The following OPHN1 variants were observed in gnomAD, a reference collection of about 807,000 sequenced individuals.
The protein encoded by OPHN1 is oligophrenin-1.
A neutral mutation model predicts 60.7 loss-of-function variants in OPHN1; 11 were observed. The observed-to-expected ratio is 0.18, with a 90% CI of 0.11 to 0.30. The LOEUF is 0.30. Among genes scored for constraint, OPHN1 ranks in the 10% least tolerant of loss-of-function variants. The pLI is 1.00. For missense variants in OPHN1, 449 were observed against 611.0 expected (o/e 0.73, Z 2.80); for synonymous variants, 226 against 222.6 (o/e 1.02, Z -0.14).
chrX:68,102,411 A>G (rs181208526), intron 18 of OPHN1, among the ~76,000 whole-genome samples: 1 of 112,443 alleles, frequency 8.9e-6, no homozygotes, highest in East Asian at 2.8e-4. Context: ...AAATGTCCAC[A>G]GGAGAAAGCG....
intron 4 of OPHN1, among the ~76,000 whole-genome samples, chrX:68,275,311 C>T (rs1353144138): frequency 8.9e-6 from 1 of 111,814 alleles, no homozygotes; most frequent in African/African-American, 3.2e-5. Context: ...AAACACTAGA[C>T]TAGGCTTTCA....
At chrX:68,105,537 C>T (rs1482544446) in intron 18 of OPHN1, among the ~76,000 whole-genome samples, 2 of 108,692 alleles carry the variant, frequency 1.8e-5, no homozygotes, top group Non-Finnish European at 3.8e-5. Context: ...AACCATCATT[C>T]TCAGAAAACT....
chrX:68,348,602 T>C (rs1340799080), intron 2 of OPHN1, among the ~76,000 whole-genome samples: 3 of 112,044 alleles, frequency 2.7e-5, no homozygotes, highest in Non-Finnish European at 5.6e-5. Flanking sequence ...TATTCTTCTG[T>C]ATTTTTCAAA....
intron 19 of OPHN1, among the ~76,000 whole-genome samples, chrX:68,090,115 T>C (rs2077011065): frequency 2.7e-5 from 3 of 111,442 alleles, no homozygotes; most frequent in African/African-American, 9.8e-5. Flanking sequence ...ATAATAAAAA[T>C]GTTATTTTCA....
intron 5 of OPHN1, among the ~76,000 whole-genome samples, chrX:68,265,691 G>A (rs901346076): frequency 1.8e-5 from 2 of 111,918 alleles, no homozygotes; most frequent in African/African-American, 6.5e-5. Flanking sequence ...TGACTTTGAC[G>A]AGTTGAGAGA....
At chrX:68,276,525 ACTT>A (rs1469535193) in intron 4 of OPHN1, among the ~76,000 whole-genome samples, 2 of 111,666 alleles carry the variant, frequency 1.8e-5, no homozygotes, top group Non-Finnish European at 3.8e-5. Flanking sequence ...TGAAAATAAG[ACTT>A]CTTCTACTAA....
intron 2 of OPHN1, among the ~76,000 whole-genome samples, chrX:68,301,264 G>A (rs2078118552): frequency 9.1e-6 from 1 of 109,666 alleles, no homozygotes; most frequent in South Asian, 4.0e-4. Flanking sequence ...TGGCCAACTT[G>A]GTGAAATCCC....
At chrX:68,275,825 A>C (rs1233638424) in intron 4 of OPHN1, among the ~76,000 whole-genome samples, 1 of 111,452 alleles carries the variant, frequency 9.0e-6, no homozygotes, top group Non-Finnish European at 1.9e-5. Context: ...GCATTAGTGC[A>C]TAGGTTATAC....
rs750618986 is a variant in OPHN1, at chrX:68,162,441, C to T, written c.1276+30478G>A. 5.5e-5 allele frequency among the ~76,000 whole-genome samples: 6 copies of T among 109,488 alleles called. No individual in the cohort carries two copies. In the East Asian group the frequency reaches 1.1e-3, roughly 21 times the overall value. On this transcript the variant is annotated intron_variant, in intron 15 of 24. Coordinates refer to ENST00000355520, the MANE Select transcript of OPHN1 (RefSeq NM_002547.3). ...AAATGAAGAGATTATTTTTTGAAAG[C>T]GTATGACTGAGCAATATATATCCAT...
intron 2 of OPHN1, among the ~76,000 whole-genome samples, chrX:68,398,137 T>C (rs866680508): frequency 3.9e-4 from 43 of 111,647 alleles, no homozygotes; most frequent in African/African-American, 1.3e-3. Context: ...CCTTGCCTTT[T>C]ATTTTTCTCC....
At chrX:68,345,574 G>A (rs919921248) in intron 2 of OPHN1, among the ~76,000 whole-genome samples, 10 of 111,697 alleles carry the variant, frequency 9.0e-5, no homozygotes, top group Admixed American at 9.6e-5. Context: ...AAATAGTCTT[G>A]TATCAGCCGG....
At chrX:68,256,318 C>T (rs749517485) in intron 5 of OPHN1, among the ~76,000 whole-genome samples, 1 of 111,745 alleles carries the variant, frequency 8.9e-6, no homozygotes, top group South Asian at 3.8e-4. Flanking sequence ...TAGTTCCTGC[C>T]AGCATTCACT....
intron 2 of OPHN1, among the ~76,000 whole-genome samples, chrX:68,380,269 G>A (rs1275689610): frequency 9.0e-6 from 1 of 111,057 alleles, no homozygotes; most frequent in African/African-American, 3.3e-5. Context: ...TGGGATCGGT[G>A]GTGACATCCC....
intron 5 of OPHN1, among the ~76,000 whole-genome samples, chrX:68,263,808 C>A (rs889644425): frequency 1.8e-5 from 2 of 111,313 alleles, no homozygotes; most frequent in Non-Finnish European, 3.8e-5. Context: ...GTTTAGTAGT[C>A]ACATTTCAAA....
At chrX:68,120,872 G>A (rs975612246) in intron 15 of OPHN1, among the ~76,000 whole-genome samples, 3 of 111,930 alleles carry the variant, frequency 2.7e-5, no homozygotes, top group Non-Finnish European at 5.6e-5. Flanking sequence ...TTTGACAAAG[G>A]TGTCAAGAAC....
At chrX:68,231,329 G>A (rs778695462) in intron 6 of OPHN1, among the ~76,000 whole-genome samples, 4 of 111,847 alleles carry the variant, frequency 3.6e-5, no homozygotes, top group East Asian at 2.8e-4. Flanking sequence ...TGGAGCAACC[G>A]GAGCTATCAT....
intron 2 of OPHN1, among the ~76,000 whole-genome samples, chrX:68,365,094 A>C (rs2147722520): frequency 8.9e-6 from 1 of 112,150 alleles, no homozygotes; most frequent in East Asian, 2.8e-4. Flanking sequence ...AGAAGAAATA[A>C]ACATGGCCAC....
intron 5 of OPHN1, among the ~76,000 whole-genome samples, chrX:68,256,700 G>A (rs1296395584): frequency 9.0e-6 from 1 of 111,624 alleles, no homozygotes; most frequent in Non-Finnish European, 1.9e-5. Context: ...AATAAAGTTT[G>A]TTTTTTAATT....
chrX:68,134,831 C>T (rs750745333), intron 15 of OPHN1, among the ~76,000 whole-genome samples: 23 of 110,854 alleles, frequency 2.1e-4, no homozygotes, highest in Non-Finnish European at 2.8e-4. Flanking sequence ...TTTTGGCAAC[C>T]GCCTGCCCGA....
Sources: allele counts gnomAD v4.1 joint callset (sites outside exome capture counted in the v4.1 genomes callset), GRCh38; gene constraint gnomAD v4.1.1; transcripts MANE v1.5; gene names NCBI Gene and HGNC (gene_info 2026-07-23, HGNC 2026-07-21).